The following ADAP1 variants were observed in gnomAD, a reference collection of about 807,000 sequenced individuals.
The protein encoded by ADAP1 is ArfGAP with dual PH domains 1.
In ADAP1, 31 loss-of-function variants were observed where a neutral mutation model predicts 54.9. The observed-to-expected ratio is 0.56, with a 90% CI of 0.42 to 0.76. The LOEUF is 0.76. Among genes scored for constraint, ADAP1 ranks in the 30% least tolerant of loss-of-function variants. ADAP1 has a pLI of 0.00. For missense variants in ADAP1, 535 were observed against 512.4 expected (o/e 1.04, Z -0.42); for synonymous variants, 313 against 202.6 (o/e 1.55, Z -4.63).
rs1491224416 is a variant in ADAP1, at chr7:906,686, ACG to A, written c.389-1516_389-1515del. Among the ~76,000 whole-genome samples, 199 of 66,262 alleles carry A rather than the reference ACG, an allele frequency of 3.0e-3. 5 individuals are homozygous for A. The highest frequency in any genetic ancestry group is 0.016 in the East Asian group (10 of 642). The allele number at this position is 66,262 out of a possible 152,430, so 43.5% of individuals were successfully genotyped here. A position where few individuals can be genotyped will look rare whatever the true frequency, so the allele number is the denominator to read the frequency against. On this transcript the variant is annotated intron_variant, in intron 4 of 10. Coordinates refer to ENST00000265846, the MANE Select transcript of ADAP1 (RefSeq NM_006869.4). ...GGGAAAGGGGACATGGACAGGGGACACGGGGGACATGGACATGGGGGACGGGA... is the reference window on the plus strand; with the variant it reads ...GGGAAAGGGGACATGGACAGGGGACAGGGGACATGGACATGGGGGACGGGA...
At chr7:954,877 A>G (rs1215292790), upstream of ADAP1, among the ~76,000 whole-genome samples, 1 of 151,828 alleles carries the variant, frequency 6.6e-6, no homozygotes, top group Non-Finnish European at 1.5e-5. Flanking sequence ...CCTGGGCGCG[A>G]GGCCGCCCCA....
At chr7:937,070 CGGCCTCTGGG>C in intron 1 of ADAP1, among the ~76,000 whole-genome samples, 1 of 113,874 alleles carries the variant, frequency 8.8e-6, no homozygotes, top group East Asian at 2.7e-4. Flanking sequence ...GGGTCATGCC[CGGCCTCTGGG>C]ATTTGGGGGT....
chr7:927,154 T>TCTGCAGGGACACA, intron 2 of ADAP1: 1 of 1,303,382 alleles, frequency 7.7e-7, no homozygotes, highest in African/African-American at 1.5e-5. Flanking sequence ...CTGAGGGGAC[T>TCTGCAGGGACACA]CTGCAGGGAC....
chr7:916,559 T>TC (rs1845939885), intron 4 of ADAP1, among the ~76,000 whole-genome samples: 1 of 152,072 alleles, frequency 6.6e-6, no homozygotes, highest in South Asian at 2.1e-4. Context: ...GGGTGATTCT[T>TC]TGGGGGTTTA....
chr7:943,303 G>A (rs1847029376), intron 1 of ADAP1, among the ~76,000 whole-genome samples: 1 of 15,666 alleles, frequency 6.4e-5, no homozygotes. Context: ...AGAGGAGGAC[G>A]AAGGGAGAGA....
chr7:922,816 C>A (rs1846237111), intron 3 of ADAP1, among the ~76,000 whole-genome samples: 1 of 150,750 alleles, frequency 6.6e-6, no homozygotes, highest in African/African-American at 2.4e-5. Flanking sequence ...CCGCCCACAC[C>A]CCCGCCCACG....
intron 1 of ADAP1, among the ~76,000 whole-genome samples, chr7:944,906 G>A (rs377066994): frequency 2.0e-5 from 3 of 151,780 alleles, no homozygotes; most frequent in African/African-American, 4.9e-5. Flanking sequence ...AAGAGCCCGG[G>A]GGGGTGACTC....
rs1265153369 is a variant in ADAP1, at chr7:923,743, C to T, written c.305+2810G>A. 2.6e-5 allele frequency among the ~76,000 whole-genome samples: 4 copies of T among 152,136 alleles called. 1 individual carries two copies. Among genetic ancestry groups the T allele is most frequent in the Non-Finnish European group, 5.9e-5 (4 of 68,006 alleles). ...GTGGGGGGCCTTCCAGGACCCTGCT[C>T]CGGACGCTGCCCGCCACTCTTAGCT... On this transcript the variant is annotated intron_variant, in intron 3 of 10. Transcript: ENST00000265846.
rs1554271723 is a variant in ADAP1 at position 905,371 on chromosome 7, GGAAAGGAGAAAGGAGAAAGGA to G, written c.389-220_389-200del. Reference sequence around the variant, plus strand: ...GGAAGATGGGCAGGGAAAGGGAAAGGGAAAGGAGAAAGGAGAAAGGAGAAAGGAGAAAGGAGAAAGGGAGAA... The same window carrying G: ...GGAAGATGGGCAGGGAAAGGGAAAGGGAAAGGAGAAAGGAGAAAGGGAGAA... On this transcript the variant is annotated intron_variant, in intron 4 of 10. Transcript: ENST00000265846. 1.5e-3 allele frequency: 88 copies of G among 60,666 alleles called. 7 individuals are homozygous for G. The highest frequency in any genetic ancestry group is 9.8e-3 in the Admixed American group (31 of 3,154). 3.8% of individuals were successfully genotyped at this position (60,666 alleles called of 1,614,324 possible).
At chr7:909,858 TG>T (rs200737896) in intron 4 of ADAP1, among the ~76,000 whole-genome samples, 14 of 150,814 alleles carry the variant, frequency 9.3e-5, no homozygotes, top group African/African-American at 2.7e-4. Flanking sequence ...TGGTGTGGGG[TG>T]GGGGGGGTTC....
In ADAP1 at chr7:945,107, A is replaced by G. The variant is rs143606181; in HGVS notation, c.82+9289T>C. On this transcript the variant is annotated intron_variant, in intron 1 of 10. Coordinates refer to ENST00000265846, the MANE Select transcript of ADAP1 (RefSeq NM_006869.4). This position sits in a 1 kb window ranked among gnomAD's most constrained non-coding sequence, Gnocchi z 4.2. ...GGGGAGCTAGAGTCCCCCAGCTTCCAGTAAGGAAAAAGCCTGGCTGGTCCC... is the reference window on the plus strand; with the variant it reads ...GGGGAGCTAGAGTCCCCCAGCTTCCGGTAAGGAAAAAGCCTGGCTGGTCCC... Among the ~76,000 whole-genome samples, 16 of 152,274 alleles carry G rather than the reference A, an allele frequency of 1.1e-4. No individual in the cohort carries two copies. In the East Asian group the frequency reaches 1.9e-3, roughly 18 times the overall value.
At chr7:947,405 CCT>C (rs1847168133) in intron 1 of ADAP1, among the ~76,000 whole-genome samples, 1 of 151,860 alleles carries the variant, frequency 6.6e-6, no homozygotes, top group Non-Finnish European at 1.5e-5. Context: ...ACTGGCAACC[CCT>C]GTCTCTAGCT....
rs115349814 is a variant in ADAP1 at position 910,143 on chromosome 7, G to C, written c.389-4971C>G. ...GCCCGTGGGGATGTAAGGTGCCCCAGTCCCTGGAAAGCAGCCAGGCCGTTT... is the reference window on the plus strand; with the variant it reads ...GCCCGTGGGGATGTAAGGTGCCCCACTCCCTGGAAAGCAGCCAGGCCGTTT... On this transcript the variant is annotated intron_variant, in intron 4 of 10. Transcript: ENST00000265846. Among the ~76,000 whole-genome samples the C allele has an allele frequency of 7.3e-3, 1,112 of 152,350 alleles. 14 individuals carry two copies. Among genetic ancestry groups the C allele is most frequent in the Middle Eastern group, 0.037 (11 of 294 alleles).
chr7:944,475 A>C lies in ADAP1; in HGVS notation c.83-8970T>G, dbSNP rs192454922. On this transcript the variant is annotated intron_variant, in intron 1 of 10. Coordinates refer to ENST00000265846, the MANE Select transcript of ADAP1 (RefSeq NM_006869.4). ...CACCATGTTGGCCAGGCTGGTCTCA[A>C]ACTCCTGACCTCAGGTGATCCGCCC... 5.4e-3 allele frequency among the ~76,000 whole-genome samples: 817 copies of C among 152,140 alleles called. 7 individuals are homozygous for C. The highest frequency in any genetic ancestry group is 0.018 in the African/African-American group (763 of 41,500).
chr7:900,725 C>G, intron 6 of ADAP1, 109 bp from the exon 7 acceptor site: 1 of 812,568 alleles, frequency 1.2e-6, no homozygotes, highest in South Asian at 1.6e-5. Flanking sequence ...GAGCCCAGCC[C>G]CTTCCTCCTC....
chr7:902,039 G>A (rs1037721377), intron 6 of ADAP1, among the ~76,000 whole-genome samples: 7 of 152,194 alleles, frequency 4.6e-5, no homozygotes, highest in South Asian at 4.1e-4. Flanking sequence ...AGGCTGCAGC[G>A]GAAACTCCCT....
At chr7:902,936 G>A (rs192771861) in intron 6 of ADAP1, among the ~76,000 whole-genome samples, 217 of 152,296 alleles carry the variant, frequency 1.4e-3, no homozygotes, top group Non-Finnish European at 2.3e-3. Context: ...CAGGCAGGAG[G>A]TAGAACAGTC....
chr7:907,735 G>C (rs961666215), intron 4 of ADAP1, among the ~76,000 whole-genome samples: 1 of 152,186 alleles, frequency 6.6e-6, no homozygotes, highest in African/African-American at 2.4e-5. Flanking sequence ...TCCGTGTCCT[G>C]GGCTCCGTCT....
In ADAP1 at chr7:914,342, G is replaced by C. The variant is rs549010962; in HGVS notation, c.388+5626C>G. Among the ~76,000 whole-genome samples, 316 of 152,352 alleles carry C rather than the reference G, an allele frequency of 2.1e-3. 2 individuals carry two copies. Among genetic ancestry groups the C allele is most frequent in the South Asian group, 4.1e-3 (20 of 4,828 alleles). On this transcript the variant is annotated intron_variant, in intron 4 of 10. Transcript: ENST00000265846. ...CTTCTATATTTCCCTGTGGTCGTGA[G>C]GTGTCGCCACTGCCGTGATAAAGGG...
Sources: gnomAD v4.1 joint callset for allele counts (sites outside exome capture counted in the v4.1 genomes callset) on GRCh38, gnomAD v4.1.1 for gene constraint, Gnocchi (gnomAD v3.1) non-coding constraint, MANE v1.5 for transcripts, NCBI Gene and HGNC (gene_info 2026-07-23, HGNC 2026-07-21) for gene names.